ZNF551: variants seen among roughly 807,000 people sequenced by gnomAD.
ZNF551 encodes the protein KOX 23 protein (56 AA).
ZNF551 carries 5 observed loss-of-function variants against 7.9 expected under a neutral mutation model. That is an observed-to-expected ratio of 0.63 (90% CI 0.33 to 1.33). ZNF551 has a LOEUF of 1.33. Ranked by LOEUF, ZNF551 falls within the 40% of genes most tolerant of loss-of-function variation. The pLI is 0.05. For missense variants in ZNF551, 788 were observed against 825.2 expected, an observed-to-expected ratio of 0.95 and a Z score of 0.55; for synonymous variants, 287 against 277.3, an observed-to-expected ratio of 1.03 and a Z score of -0.35.
chr19:57,684,300 T>G (rs750891937), intron 1 of ZNF551, among the ~76,000 whole-genome samples: 1 of 152,278 alleles, frequency 6.6e-6, no homozygotes, highest in Middle Eastern at 3.4e-3. Context: ...AAGGAGATGC[T>G]CATGGTATGA....
intron 2 of ZNF551, 120 bp from the exon 3 acceptor site, chr19:57,686,361 T>A: frequency 7.3e-7 from 1 of 1,371,536 alleles, no homozygotes; most frequent in Non-Finnish European, 9.9e-7. Flanking sequence ...TCCTCCCCAG[T>A]TCCGTTGTTC....
Position 57,687,624 on chromosome 19 carries a change from G to T in ZNF551, c.1349G>T (p.Arg450Ile), listed in dbSNP as rs758666486. ...AGTGGAGAAAGACCTTATGAATGCA[G>T]AGAATGTGGGAAATCCTTTAGACAA... ...IHSGERPYEC[R>I]ECGKSFRQFS... Residue 450 changes from arginine to isoleucine, a missense_variant, in exon 3 of 3, where the codon AGA (arginine) becomes ATA (isoleucine). Physicochemically the swap from Arg to Ile is moderately conservative, Grantham distance 97. Transcript: ENST00000282296. The T allele has an allele frequency of 1.2e-6, 2 of 1,614,256 alleles. No individual in the cohort carries two copies. The highest frequency in any genetic ancestry group is 1.7e-6 in the Non-Finnish European group (2 of 1,180,044).
intron 1 of ZNF551, among the ~76,000 whole-genome samples, chr19:57,684,701 G>A (rs768273499): frequency 6.6e-6 from 1 of 152,080 alleles, no homozygotes; most frequent in Non-Finnish European, 1.5e-5. Flanking sequence ...ATGAATTTGG[G>A]GTCCTAGGAG....
Position 57,687,279 on chromosome 19 carries a change from A to G in ZNF551, c.1004A>G (p.His335Arg), listed in dbSNP as rs745567779. 1.4e-5 allele frequency: 22 copies of G among 1,614,122 alleles called. No homozygotes were observed. The African/African-American group carries it at 2.7e-4, about 20-fold the overall frequency. Residue 335 changes from histidine to arginine, a missense_variant, in exon 3 of 3, where the codon CAT (histidine) becomes CGT (arginine). By Grantham distance (29) the His-to-Arg change is conservative. Coordinates refer to ENST00000282296, the MANE Select transcript of ZNF551 (RefSeq NM_138347.5). ...AGACGTCACACTGGAGGAGTGCGTCATGAGTGTGGTGAATGTAGGAAAACC... is the reference window on the plus strand; with the variant it reads ...AGACGTCACACTGGAGGAGTGCGTCGTGAGTGTGGTGAATGTAGGAAAACC... Reference protein sequence around the residue: ...HQRRHTGGVRHECGECRKTFS... With the variant: ...HQRRHTGGVRRECGECRKTFS...
In ZNF551 at chr19:57,682,032, A is replaced by C; in HGVS notation, c.-132A>C. 1 of 979,854 alleles carries C rather than the reference A, an allele frequency of 1.0e-6. No individual in the cohort carries two copies. The highest frequency in any genetic ancestry group is 1.5e-6 in the Non-Finnish European group (1 of 667,774). 60.7% of individuals were successfully genotyped at this position (979,854 alleles called of 1,614,324 possible). On this transcript the variant is annotated 5_prime_UTR_variant, in exon 1 of 3. Transcript: ENST00000282296. ...ATTTTGGCCTCTGTCCTGTTTGTCCAGCCCGCCAGTTTCTGCAGTGGAGGT... is the reference window on the plus strand; with the variant it reads ...ATTTTGGCCTCTGTCCTGTTTGTCCCGCCCGCCAGTTTCTGCAGTGGAGGT...
At position 57,685,284 on chromosome 19, in the gene ZNF551, C is replaced by T. The variant is rs1984519597; in HGVS notation, c.104C>T (p.Ala35Val). 6.2e-7 allele frequency: 1 copy of T among 1,614,056 alleles called. No individual in the cohort carries two copies. The highest frequency in any genetic ancestry group is 8.5e-7 in the Non-Finnish European group (1 of 1,179,986). ...SAQGMTFEDV[A>V]IYFSQEEWEL... ...CAGGGTATGACCTTTGAGGATGTGG[C>T]CATTTATTTCTCCCAAGAAGAGTGG... The change falls in exon 2 of 3, where the codon GCC becomes GTC. Residue 35 changes from alanine (A) to valine (V), a missense_variant. Ala to Val is a moderately conservative substitution (Grantham distance 64). Transcript: ENST00000282296.
chr19:57,685,344 G>A lies in ZNF551; in HGVS notation c.164G>A (p.Cys55Tyr), dbSNP rs764497940. The A allele has an allele frequency of 1.2e-6, 2 of 1,614,150 alleles. No homozygotes were observed. Among genetic ancestry groups the A allele is most frequent in the Non-Finnish European group, 8.5e-7 (1 of 1,179,990 alleles). ...LLDESQRFLY[C>Y]DVMLENFAHV... Reference sequence around the variant, plus strand: ...GATGAGTCTCAGAGGTTCCTGTACTGCGATGTGATGCTGGAGAACTTTGCA... The same window carrying A: ...GATGAGTCTCAGAGGTTCCTGTACTACGATGTGATGCTGGAGAACTTTGCA... The change falls in exon 2 of 3, where the codon TGC (cysteine) becomes TAC (tyrosine). Residue 55 changes from cysteine (C) to tyrosine (Y), a missense_variant. Coordinates refer to ENST00000282296, the MANE Select transcript of ZNF551 (RefSeq NM_138347.5).
chr19:57,682,809 G>T (rs527349163), intron 1 of ZNF551, among the ~76,000 whole-genome samples: 1 of 152,166 alleles, frequency 6.6e-6, no homozygotes, highest in Non-Finnish European at 1.5e-5. Flanking sequence ...CTCGCCACTC[G>T]TCTAGCCTTG....
intron 1 of ZNF551, among the ~76,000 whole-genome samples, chr19:57,684,425 G>A (rs758065533): frequency 6.6e-6 from 1 of 152,018 alleles, no homozygotes. Context: ...AGGACACAAG[G>A]GTGAAGTATG....
intron 2 of ZNF551, among the ~76,000 whole-genome samples, chr19:57,686,087 G>A (rs181979301): frequency 6.6e-6 from 1 of 152,288 alleles, no homozygotes; most frequent in East Asian, 1.9e-4. Context: ...GACTCACTGT[G>A]TTGTGAGGTA....
chr19:57,685,967 ATTG>A (rs1222079766), intron 2 of ZNF551, among the ~76,000 whole-genome samples: 4 of 152,186 alleles, frequency 2.6e-5, no homozygotes, highest in South Asian at 2.1e-4. Context: ...ACTGTGCTGA[ATTG>A]TTGTTTCATC....
In ZNF551 at chr19:57,687,836, C is replaced by A; in HGVS notation, c.1561C>A (p.His521Asn). Residue 521 changes from histidine (H) to asparagine (N), a missense_variant, in exon 3 of 3, where the codon CAC becomes AAC. His to Asn is a moderately conservative substitution (Grantham distance 68, BLOSUM62 1). Coordinates refer to ENST00000282296, the MANE Select transcript of ZNF551 (RefSeq NM_138347.5). ...SFTRKSDLIQ[H>N]RRIHTGTRPY... is the part of the protein sequence containing the mutation. ...TACCCGCAAATCTGACCTCATTCAA[C>A]ACCGGAGAATTCATACTGGCACAAG... The A allele has an allele frequency of 6.2e-7, 1 of 1,614,088 alleles. No homozygotes were observed. The highest frequency in any genetic ancestry group is 8.5e-7 in the Non-Finnish European group (1 of 1,180,020).
chr19:57,687,160 C>T lies in ZNF551; in HGVS notation c.885C>T (p.Ile295=). The change falls in exon 3 of 3, where the codon ATC becomes ATT. Residue 295 remains isoleucine (I), a synonymous_variant. Coordinates refer to ENST00000282296, the MANE Select transcript of ZNF551 (RefSeq NM_138347.5). Reference sequence around the variant, plus strand: ...CCTTTAGCAAAAAGTGCCACCTAATCTTACACAAGATAATTCACACTGGAG... The same window carrying T: ...CCTTTAGCAAAAAGTGCCACCTAATTTTACACAAGATAATTCACACTGGAG... ...EESFSKKCHL[I]LHKIIHTGER... The T allele has an allele frequency of 6.2e-7, 1 of 1,614,182 alleles. No individual in the cohort carries two copies.
Position 57,687,859 on chromosome 19 carries a change from A to G in ZNF551, c.1584A>G (p.Thr528=), listed in dbSNP as rs1304846431. Residue 528 remains threonine, a synonymous_variant, in exon 3 of 3, where the codon ACA becomes ACG. Transcript: ENST00000282296. ...LIQHRRIHTG[T]RPYECSECGK... is the part of the protein sequence containing the mutation. ...AACACCGGAGAATTCATACTGGCAC[A>G]AGACCTTATGAGTGCAGTGAATGTG... 9.9e-6 allele frequency: 16 copies of G among 1,614,022 alleles called. No homozygotes were observed. Among genetic ancestry groups the G allele is most frequent in the Non-Finnish European group, 1.4e-5 (16 of 1,179,998 alleles).
chr19:57,684,789 G>C (rs1352511968), intron 1 of ZNF551, among the ~76,000 whole-genome samples: 2 of 152,200 alleles, frequency 1.3e-5, no homozygotes, highest in African/African-American at 2.4e-5. Context: ...TGGGAATGCA[G>C]CTGTGTGAGA....
chr19:57,687,925 G>A lies in ZNF551; in HGVS notation c.1650G>A (p.Arg550=), dbSNP rs1411041654. ...AGCGCTCTGGCCTCATTCAGCACCG[G>A]AGACTTCATACTGGAGAAAGGCCTT... The part of the protein sequence containing the change: ...FRQRSGLIQH[R]RLHTGERPYE... Residue 550 remains arginine (R), a synonymous_variant, in exon 3 of 3, where the codon CGG becomes CGA. Transcript: ENST00000282296. 2 of 1,614,110 alleles carry A rather than the reference G, an allele frequency of 1.2e-6. No individual in the cohort carries two copies. Among genetic ancestry groups the A allele is most frequent in the South Asian group, 2.2e-5 (2 of 91,080 alleles).
At chr19:57,686,133 G>C (rs1284834932) in intron 2 of ZNF551, among the ~76,000 whole-genome samples, 2 of 152,280 alleles carry the variant, frequency 1.3e-5, no homozygotes, top group African/African-American at 2.4e-5. Context: ...TTGATCACCA[G>C]CTATCAAGTT....
In ZNF551 at chr19:57,685,497, CCT is replaced by C. The variant is rs557561570; in HGVS notation, c.205+113_205+114del. 960 of 1,527,204 alleles carry C rather than the reference CCT, an allele frequency of 6.3e-4. 16 individuals carry two copies. The East Asian group carries it at 0.021, about 33-fold the overall frequency. 94.6% of individuals were successfully genotyped at this position (1,527,204 alleles called of 1,614,324 possible). A position where few individuals can be genotyped will look rare whatever the true frequency, so the allele number is the denominator to read the frequency against. On this transcript the variant is annotated intron_variant, in intron 2 of 2. Coordinates refer to ENST00000282296, the MANE Select transcript of ZNF551 (RefSeq NM_138347.5). Reference sequence around the variant, plus strand: ...TGGATCTTATTTTTCTTGTCTTCCCCCTGTCAGGATGACTGTGTACAGATTCA... The same window carrying C: ...TGGATCTTATTTTTCTTGTCTTCCCCGTCAGGATGACTGTGTACAGATTCA...
rs765401130 is a variant in ZNF551, at chr19:57,688,538, A to G, written c.*250A>G. ...TTCACCCCTACCACCTGGCAGGTGC[A>G]CACCATGTGCATGAGTCACTTCCCC... On this transcript the variant is annotated 3_prime_UTR_variant, in exon 3 of 3. Coordinates refer to ENST00000282296, the MANE Select transcript of ZNF551 (RefSeq NM_138347.5). The G allele has an allele frequency of 1.8e-6, 1 of 544,884 alleles. No homozygotes were observed. The highest frequency in any genetic ancestry group is 3.2e-6 in the Non-Finnish European group (1 of 307,810). 33.8% of individuals were successfully genotyped at this position (544,884 alleles called of 1,614,324 possible). A position where few individuals can be genotyped will look rare whatever the true frequency, so the allele number is the denominator to read the frequency against.
Sources: allele counts gnomAD v4.1 joint callset (sites outside exome capture counted in the v4.1 genomes callset), GRCh38; gene constraint gnomAD v4.1.1; transcripts MANE v1.5; gene names NCBI Gene and HGNC (gene_info 2026-07-23, HGNC 2026-07-21).